EVC2: variants seen among roughly 807,000 people sequenced by gnomAD.
The protein encoded by EVC2 is EvC ciliary complex subunit 2, also known as limbin.
A neutral mutation model predicts 149.3 loss-of-function variants in EVC2; 148 were observed. The observed-to-expected ratio is 0.99, with a 90% CI of 0.87 to 1.14. EVC2 has a LOEUF of 1.14. Ranked by LOEUF, EVC2 falls within the 50% of genes most tolerant of loss-of-function variation. EVC2 has a pLI of 0.00. For missense variants in EVC2, 1,854 were observed against 1,627.3 expected (o/e 1.14, Z -2.40); for synonymous variants, 776 against 649.9 (o/e 1.19, Z -2.95).
At chr4:5,600,303 A>G (rs1393539729) in intron 16 of EVC2, among the ~76,000 whole-genome samples, 1 of 152,212 alleles carries the variant, frequency 6.6e-6, no homozygotes, top group Non-Finnish European at 1.5e-5. Context: ...TCATTATTAA[A>G]TAGGATTAAA....
intron 1 of EVC2, among the ~76,000 whole-genome samples, chr4:5,703,966 G>A (rs892462637): frequency 7.2e-5 from 11 of 152,116 alleles, no homozygotes; most frequent in Admixed American, 2.6e-4. Flanking sequence ...GGAAAGACCC[G>A]TGCAAGGGCC....
chr4:5,706,822 CCAAGGG>C (rs1283257953), intron 1 of EVC2, among the ~76,000 whole-genome samples: 2 of 152,116 alleles, frequency 1.3e-5, no homozygotes, highest in Non-Finnish European at 2.9e-5. Flanking sequence ...GCTCAAGATG[CCAAGGG>C]CACCTGAATA....
chr4:5,575,890 A>G (rs1364870796), intron 18 of EVC2, among the ~76,000 whole-genome samples: 1 of 152,240 alleles, frequency 6.6e-6, no homozygotes, highest in Non-Finnish European at 1.5e-5. Context: ...GACAATGTCA[A>G]TTCACATACC....
Position 5,567,077 on chromosome 4 carries a change from T to G in EVC2, c.3557+1367A>C, listed in dbSNP as rs1172286672. ...GACATTCCGTTTGGCAGAGGTGGCC[T>G]CCTTCTGGCTCCCTCTTGTTCCTCT... On this transcript the variant is annotated intron_variant, in intron 20 of 21. Coordinates refer to ENST00000344408, the MANE Select transcript of EVC2 (RefSeq NM_147127.5). The surrounding 1 kb of genome is among the most constrained non-coding windows in gnomAD (Gnocchi z 4.4). 6.6e-6 allele frequency among the ~76,000 whole-genome samples: 1 copy of G among 152,104 alleles called. No individual in the cohort carries two copies. The highest frequency in any genetic ancestry group is 6.5e-5 in the Admixed American group (1 of 15,274).
intron 16 of EVC2, among the ~76,000 whole-genome samples, chr4:5,589,109 G>A (rs1712557968): frequency 6.6e-6 from 1 of 152,204 alleles, no homozygotes; most frequent in African/African-American, 2.4e-5. Flanking sequence ...TTGGGTCCTA[G>A]ATATTTTTGT....
the EVC2 span, among the ~76,000 whole-genome samples, chr4:5,534,222 T>C: frequency 2.5e-4 from 38 of 152,160 alleles, no homozygotes; most frequent in African/African-American, 8.0e-4. Context: ...AGTTGCTGTA[T>C]GAAGCTGTGA....
At chr4:5,592,480 A>G (rs1035740115) in intron 16 of EVC2, among the ~76,000 whole-genome samples, 2 of 152,192 alleles carry the variant, frequency 1.3e-5, no homozygotes, top group South Asian at 2.1e-4. Flanking sequence ...CCCGCCAAAT[A>G]CCAGGAATGT....
chr4:5,676,730 C>A (rs1720019369), intron 7 of EVC2, among the ~76,000 whole-genome samples: 1 of 152,244 alleles, frequency 6.6e-6, no homozygotes, highest in South Asian at 2.1e-4. Flanking sequence ...AGGAAGCCTG[C>A]CAGTCCACCC....
chr4:5,656,028 G>C lies in EVC2; in HGVS notation c.1145+7079C>G, dbSNP rs1244079521. On this transcript the variant is annotated intron_variant, in intron 9 of 21. Transcript: ENST00000344408. The stretch of plus-strand genomic sequence containing the variant: ...GGGAAGTGGGGGAGGTAGGCAAGCT[G>C]CACTGTAGTCTCAGAAAAGAGCTGC... Among the ~76,000 whole-genome samples, 3 of 152,322 alleles carry C rather than the reference G, an allele frequency of 2.0e-5. No individual in the cohort carries two copies. In the East Asian group the frequency reaches 5.8e-4, roughly 29 times the overall value.
At chr4:5,694,897 T>G (rs991524182) in intron 2 of EVC2, among the ~76,000 whole-genome samples, 1 of 152,082 alleles carries the variant, frequency 6.6e-6, no homozygotes, top group African/African-American at 2.4e-5. Flanking sequence ...ATACCTCGGT[T>G]TGCTTAATTC....
At position 5,661,514 on chromosome 4, in the gene EVC2, C is replaced by T. The variant is rs147473468; in HGVS notation, c.1145+1593G>A. ...GGTACTCTAGATAACAGACACAGAACGAGGGTACAGATAATAACGTCTTCA... is the reference window on the plus strand; with the variant it reads ...GGTACTCTAGATAACAGACACAGAATGAGGGTACAGATAATAACGTCTTCA... On this transcript the variant is annotated intron_variant, in intron 9 of 21. Transcript: ENST00000344408. Among the ~76,000 whole-genome samples the T allele has an allele frequency of 5.8e-3, 879 of 152,144 alleles. 6 individuals are homozygous for T. The highest frequency in any genetic ancestry group is 0.016 in the African/African-American group (647 of 41,490).
chr4:5,611,454 G>C (rs746777755), intron 16 of EVC2, among the ~76,000 whole-genome samples: 14 of 152,048 alleles, frequency 9.2e-5, no homozygotes, highest in Non-Finnish European at 1.9e-4. Context: ...TATACAAAGA[G>C]CCCTCTTTTA....
rs1248271843 is a variant in EVC2 at position 5,631,877 on chromosome 4, A to G, written c.1626T>C (p.Phe542=). The G allele has an allele frequency of 2.5e-6, 4 of 1,614,126 alleles. No homozygotes were observed. The highest frequency in any genetic ancestry group is 2.7e-5 in the African/African-American group (2 of 74,958). The part of the protein sequence containing the change: ...FQRNELHSIF[F]TQIKSAIFKG... ...TGAAAATAGCACTTTTTATCTGGGT[A>G]AAAAAGATACTGTGCAGTTCATTTC... The change falls in exon 11 of 22, where the codon TTT becomes TTC. Residue 542 remains phenylalanine, a synonymous_variant. Transcript: ENST00000344408.
At chr4:5,559,008 C>T (rs1721890688), downstream of EVC2, among the ~76,000 whole-genome samples, 1 of 152,028 alleles carries the variant, frequency 6.6e-6, no homozygotes, top group Admixed American at 6.6e-5. This position sits in a 1 kb window ranked among gnomAD's most constrained non-coding sequence, Gnocchi z 5.0. Context: ...GCCTGGACAA[C>T]ATAGTGGGAA....
chr4:5,593,993 T>G (rs1046811859), intron 16 of EVC2, among the ~76,000 whole-genome samples: 9 of 152,190 alleles, frequency 5.9e-5, no homozygotes, highest in Non-Finnish European at 1.0e-4. Flanking sequence ...GACATTGAAC[T>G]GCAAGGCGGC....
intron 9 of EVC2, among the ~76,000 whole-genome samples, chr4:5,658,846 AG>A (rs1412206937): frequency 6.6e-6 from 1 of 152,230 alleles, no homozygotes; most frequent in Non-Finnish European, 1.5e-5. Flanking sequence ...GGCAGTGGTC[AG>A]GCCCAGAGTA....
downstream of EVC2, among the ~76,000 whole-genome samples, chr4:5,541,066 G>A (rs1384104980): frequency 2.0e-5 from 3 of 152,088 alleles, no homozygotes; most frequent in Admixed American, 6.5e-5. Flanking sequence ...TCCAGCTGCC[G>A]CTGGCCTTTT....
intron 6 of EVC2, among the ~76,000 whole-genome samples, chr4:5,681,848 G>A (rs1720366233): frequency 1.3e-5 from 2 of 152,158 alleles, no homozygotes; most frequent in Non-Finnish European, 2.9e-5. Flanking sequence ...ACCGCATGGT[G>A]ACCGACAAGA....
Position 5,708,403 on chromosome 4 carries a change from G to T in EVC2, c.111C>A (p.Pro37=). The T allele has an allele frequency of 6.7e-7, 1 of 1,500,312 alleles. No homozygotes were observed. Among genetic ancestry groups the T allele is most frequent in the South Asian group, 1.2e-5 (1 of 80,396 alleles). The allele number at this position is 1,500,312 out of a possible 1,614,324, so 92.9% of individuals were successfully genotyped here. A position where few individuals can be genotyped will look rare whatever the true frequency, so the allele number is the denominator to read the frequency against. The change falls in exon 1 of 22, where the codon CCC becomes CCA. Residue 37 remains proline (P), a synonymous_variant. Transcript: ENST00000344408. ...GRGCLGASSR[P]RWRPLGAQPP... Reference sequence around the variant, plus strand: ...GCTGCGCGCCGAGGGGGCGCCAGCGGGGACGTGAGCTGGCGCCGAGACAGC... The same window carrying T: ...GCTGCGCGCCGAGGGGGCGCCAGCGTGGACGTGAGCTGGCGCCGAGACAGC...
Sources: allele counts gnomAD v4.1 joint callset (sites outside exome capture counted in the v4.1 genomes callset), GRCh38; gene constraint gnomAD v4.1.1; non-coding constraint Gnocchi (gnomAD v3.1); transcripts MANE v1.5; gene names NCBI Gene and HGNC (gene_info 2026-07-23, HGNC 2026-07-21).